NELL1: variants seen among roughly 807,000 people sequenced by gnomAD.
NELL1 encodes the protein protein kinase C-binding protein NELL1.
In NELL1, 76 loss-of-function variants were observed where a neutral mutation model predicts 107.4. The ratio of observed to expected loss-of-function variants is 0.71; its 90% CI spans 0.59 to 0.86. NELL1 has a LOEUF of 0.86. Among genes scored for constraint, NELL1 ranks in the 40% least tolerant of loss-of-function variants. The pLI, the probability that NELL1 is intolerant of heterozygous loss-of-function variation, is 0.00. For missense variants in NELL1, 1,024 were observed against 1,005.5 expected (o/e 1.02, Z -0.25); for synonymous variants, 353 against 341.2 (o/e 1.03, Z -0.38).
At chr11:21,205,184 C>T (rs1279466072) in intron 13 of NELL1, among the ~76,000 whole-genome samples, 1 of 152,172 alleles carries the variant, frequency 6.6e-6, no homozygotes, top group Non-Finnish European at 1.5e-5. Flanking sequence ...CAGGCAGGCA[C>T]ATTGAAGTCT....
At chr11:21,086,902 G>T (rs544598873) in intron 12 of NELL1, among the ~76,000 whole-genome samples, 7 of 149,364 alleles carry the variant, frequency 4.7e-5, no homozygotes, top group Non-Finnish European at 8.9e-5. Flanking sequence ...AACGATCTCG[G>T]CTCACTGCAA....
intron 1 of NELL1, among the ~76,000 whole-genome samples, chr11:20,673,723 A>G (rs1417519090): frequency 2.0e-5 from 3 of 152,298 alleles, no homozygotes; most frequent in East Asian, 3.9e-4. Flanking sequence ...CATCTTGCTT[A>G]ATTGTAATTC....
At chr11:20,721,181 G>GTATATATATATATATATATATA (rs137948986) in intron 2 of NELL1, among the ~76,000 whole-genome samples, 1,686 of 125,472 alleles carry the variant, frequency 0.013, 30 homozygotes, top group Non-Finnish European at 0.015. Context: ...TATATTTTGT[G>GTATATATATATATATATATATA]TATATATATA....
At chr11:20,917,833 T>TA (rs1189237651) in intron 5 of NELL1, among the ~76,000 whole-genome samples, 2 of 151,966 alleles carry the variant, frequency 1.3e-5, no homozygotes, top group African/African-American at 2.4e-5. Context: ...CTTCCCACTT[T>TA]AAAAAAATCC....
At position 21,231,173 on chromosome 11, in the gene NELL1, A is replaced by C. The variant is rs184428460; in HGVS notation, c.1549+1719A>C. On this transcript the variant is annotated intron_variant, in intron 14 of 19. Coordinates refer to ENST00000357134, the MANE Select transcript of NELL1 (RefSeq NM_006157.5). ...CATATTTTTGAGAAAAAATAAAATA[A>C]ATTCAAGTTCAGAACAATATAGTAT... is the stretch of plus-strand genomic sequence containing the variant. Among the ~76,000 whole-genome samples, 287 of 152,290 alleles carry C rather than the reference A, an allele frequency of 1.9e-3. 1 individual carries two copies. Among genetic ancestry groups the C allele is most frequent in the African/African-American group, 6.6e-3 (275 of 41,558 alleles).
At chr11:21,360,944 C>T (rs12795022) in intron 14 of NELL1, among the ~76,000 whole-genome samples, 31,133 of 152,022 alleles carry the variant, frequency 0.2, 4,128 homozygotes, top group Non-Finnish European at 0.29. Flanking sequence ...GGGGCATTTA[C>T]GCCATTTACA....
chr11:20,975,843 A>T (rs1851606676), intron 12 of NELL1, among the ~76,000 whole-genome samples: 1 of 134,898 alleles, frequency 7.4e-6, no homozygotes, highest in South Asian at 2.3e-4. Context: ...ACATATGTGT[A>T]TTATATATAC....
At chr11:21,242,463 G>A (rs1163225488) in intron 14 of NELL1, among the ~76,000 whole-genome samples, 3 of 152,130 alleles carry the variant, frequency 2.0e-5, no homozygotes, top group African/African-American at 7.2e-5. Context: ...TAAAACAGAA[G>A]CTATGTGTGC....
At chr11:20,820,357 T>C (rs1857723646) in intron 3 of NELL1, among the ~76,000 whole-genome samples, 2 of 152,198 alleles carry the variant, frequency 1.3e-5, no homozygotes, top group Non-Finnish European at 2.9e-5. Flanking sequence ...TGTTATTAAA[T>C]ACCTATTATA....
At chr11:21,299,924 G>C (rs1004971814) in intron 14 of NELL1, among the ~76,000 whole-genome samples, 1 of 151,940 alleles carries the variant, frequency 6.6e-6, no homozygotes, top group Non-Finnish European at 1.5e-5. Context: ...AAGCCTGCAG[G>C]CCATAATTGG....
rs144651192 is a variant in NELL1 at position 20,832,976 on chromosome 11, C to T, written c.336-14607C>T. Among the ~76,000 whole-genome samples the T allele has an allele frequency of 4.7e-3, 714 of 152,248 alleles. 7 individuals carry two copies. Among genetic ancestry groups the T allele is most frequent in the African/African-American group, 0.016 (682 of 41,548 alleles). ...CAGCTCATGGTGGCTGGCCTCATAT[C>T]CCACTGAACGCTCTGCTAATGATGT... is the stretch of plus-strand genomic sequence containing the variant. On this transcript the variant is annotated intron_variant, in intron 3 of 19. Coordinates refer to ENST00000357134, the MANE Select transcript of NELL1 (RefSeq NM_006157.5).
intron 15 of NELL1, among the ~76,000 whole-genome samples, chr11:21,442,602 ATTAAG>A (rs1164098280): frequency 6.6e-6 from 1 of 152,218 alleles, no homozygotes; most frequent in African/African-American, 2.4e-5. Context: ...TATTCAACAT[ATTAAG>A]TTATTTCACT....
intron 12 of NELL1, among the ~76,000 whole-genome samples, chr11:21,083,089 T>C (rs1168962544): frequency 6.6e-6 from 1 of 152,214 alleles, no homozygotes; most frequent in African/African-American, 2.4e-5. Context: ...AGAGTAGGCA[T>C]GTGGCCAGCT....
intron 18 of NELL1, among the ~76,000 whole-genome samples, chr11:21,572,470 A>T (rs1857120670): frequency 1.6e-5 from 2 of 128,494 alleles, no homozygotes; most frequent in Non-Finnish European, 3.0e-5. Context: ...GAACAATTAA[A>T]TAAGTTGCCA....
chr11:20,955,940 G>A (rs1249028295), intron 11 of NELL1, among the ~76,000 whole-genome samples: 1 of 152,130 alleles, frequency 6.6e-6, no homozygotes, highest in East Asian at 1.9e-4. Flanking sequence ...ATCAGTATGG[G>A]CCAGGCACGA....
chr11:21,025,837 C>T (rs1256146931), intron 12 of NELL1, among the ~76,000 whole-genome samples: 1 of 152,160 alleles, frequency 6.6e-6, no homozygotes, highest in Admixed American at 6.5e-5. Context: ...TATTCCCCAA[C>T]AACTTGCCCT....
intron 15 of NELL1, among the ~76,000 whole-genome samples, chr11:21,480,533 C>T (rs765268739): frequency 6.6e-6 from 1 of 152,154 alleles, no homozygotes. Context: ...GCTAAATTGT[C>T]ACACTTATCT....
Position 20,713,280 on chromosome 11 carries a change from A to G in NELL1, c.184+35220A>G, listed in dbSNP as rs184541671. Among the ~76,000 whole-genome samples the G allele has an allele frequency of 3.0e-3, 458 of 152,242 alleles. 1 individual carries two copies. The highest frequency in any genetic ancestry group is 5.1e-3 in the Non-Finnish European group (346 of 68,010). On this transcript the variant is annotated intron_variant, in intron 2 of 19. Transcript: ENST00000357134. The stretch of plus-strand genomic sequence containing the variant: ...CCAGGGTTGGTAGAGAAATACCATC[A>G]GGTGGGGGAAGATTTAGGCAGGTCT...
chr11:21,309,450 T>G (rs1344771516), intron 14 of NELL1, among the ~76,000 whole-genome samples: 1 of 151,574 alleles, frequency 6.6e-6, no homozygotes, highest in Non-Finnish European at 1.5e-5. Context: ...CAAATATTCC[T>G]TAAAATGAGT....
Sources: allele counts gnomAD v4.1 joint callset (sites outside exome capture counted in the v4.1 genomes callset), GRCh38; gene constraint gnomAD v4.1.1; transcripts MANE v1.5; gene names NCBI Gene and HGNC (gene_info 2026-07-23, HGNC 2026-07-21).